The following CCDC14 variants were observed in gnomAD, a reference collection of about 807,000 sequenced individuals.
The protein encoded by CCDC14 is coiled-coil domain containing 14, also known as coiled-coil domain-containing protein 14.
Under a neutral mutation model 81.4 loss-of-function variants are expected in CCDC14, and 71 were observed. The observed-to-expected ratio is 0.87, with a 90% CI of 0.72 to 1.06. The LOEUF (loss-of-function observed/expected upper bound fraction) is 1.06. CCDC14 is among the 50% of genes least tolerant of loss of function. The pLI, the probability that CCDC14 is intolerant of heterozygous loss-of-function variation, is 0.00. For missense variants in CCDC14, 1,046 were observed against 1,047.3 expected (o/e 1.00, Z 0.02); for synonymous variants, 332 against 364.8 (o/e 0.91, Z 1.03).
intron 12 of CCDC14, among the ~76,000 whole-genome samples, chr3:123,917,947 A>G (rs942507288): frequency 6.6e-6 from 1 of 152,144 alleles, no homozygotes; most frequent in Non-Finnish European, 1.5e-5. Context: ...CTTTATCTTC[A>G]AAAAAGTGAA....
In CCDC14 at chr3:123,947,030, C is replaced by T. The variant is rs370975951; in HGVS notation, c.974G>A (p.Arg325Gln). ...KETHLDSQTH[R>Q]SPTQSQPAFL... ...AGCTGGTTGTGACTGAGTAGGGCTT[C>T]GGTGTGTCTGACTGTCCAGATGCGT... is the stretch of plus-strand genomic sequence containing the variant. Residue 325 changes from arginine to glutamine, a missense_variant, in exon 8 of 13, where the codon CGA becomes CAA. Transcript: ENST00000409697. The T allele has an allele frequency of 3.4e-5, 55 of 1,613,780 alleles. No individual in the cohort carries two copies. The highest frequency in any genetic ancestry group is 1.3e-4 in the African/African-American group (10 of 74,890).
chr3:123,942,558 C>T (rs2141605), intron 9 of CCDC14, among the ~76,000 whole-genome samples: 17,733 of 151,980 alleles, frequency 0.12, 2,306 homozygotes, highest in East Asian at 0.42. Flanking sequence ...GCTCCAGATA[C>T]GTATATTTTA....
chr3:123,888,816 C>G, the CCDC14 span, among the ~76,000 whole-genome samples: 62 of 152,240 alleles, frequency 4.1e-4, no homozygotes, highest in South Asian at 6.4e-3. Context: ...TCACTTCTCA[C>G]CAGGCCCCTC....
rs1330128339 is a variant in CCDC14, at chr3:123,947,108, A to C, written c.896T>G (p.Leu299Arg). 1 of 1,613,842 alleles carries C rather than the reference A, an allele frequency of 6.2e-7. No homozygotes were observed. Among genetic ancestry groups the C allele is most frequent in the Non-Finnish European group, 8.5e-7 (1 of 1,179,854 alleles). ...PQQGIHKETDLLKCIQTYLSL... is the reference protein window; with the variant it reads ...PQQGIHKETDRLKCIQTYLSL... ...CAAATATGTTTGAATACATTTTAGTAGGTCTGTTTCCTTATGAATTCCTTG... is the reference window on the plus strand; with the variant it reads ...CAAATATGTTTGAATACATTTTAGTCGGTCTGTTTCCTTATGAATTCCTTG... The change falls in exon 8 of 13, where the codon CTA becomes CGA. Residue 299 changes from leucine to arginine, a missense_variant. By Grantham distance (102) the Leu-to-Arg change is moderately radical. Transcript: ENST00000409697.
At chr3:123,945,156 G>T (rs1364059048) in intron 8 of CCDC14, among the ~76,000 whole-genome samples, 166 bp from the exon 9 acceptor site, 1 of 151,754 alleles carries the variant, frequency 6.6e-6, no homozygotes, top group Non-Finnish European at 1.5e-5. Context: ...TCTCTTTCAT[G>T]CTGCTGGTAT....
chr3:123,955,681 G>T (rs1352384484), intron 5 of CCDC14, 162 bp downstream of exon 5: 4 of 502,454 alleles, frequency 8.0e-6, no homozygotes, highest in African/African-American at 2.0e-5. Flanking sequence ...AAGCAAAGTG[G>T]ACTACTCAGT....
chr3:123,934,467 T>C (rs1236503060), intron 9 of CCDC14, among the ~76,000 whole-genome samples: 1 of 152,122 alleles, frequency 6.6e-6, no homozygotes, highest in Non-Finnish European at 1.5e-5. Context: ...TACTATCAAC[T>C]AGAATACCTA....
chr3:123,919,064 C>T (rs182893364), intron 12 of CCDC14, among the ~76,000 whole-genome samples: 16 of 152,184 alleles, frequency 1.1e-4, no homozygotes, highest in African/African-American at 3.9e-4. Context: ...AGAGGGCGAG[C>T]GGTAACCCCA....
chr3:123,945,080 G>A lies in CCDC14; in HGVS notation c.1202-90C>T, dbSNP rs1284476278. On this transcript the variant is annotated intron_variant, in intron 8 of 12. Coordinates refer to ENST00000409697, the MANE Select transcript of CCDC14 (RefSeq NM_001366335.1). The stretch of plus-strand genomic sequence containing the variant: ...ATTACTAAAAAAGAAAATCTTTATA[G>A]ATATGTACATTCTTGTTATAAATTC... The A allele has an allele frequency of 7.2e-6, 5 of 692,488 alleles. No homozygotes were observed. In the East Asian group the frequency reaches 9.2e-5, roughly 13 times the overall value. 42.9% of individuals were successfully genotyped at this position (692,488 alleles called of 1,614,324 possible).
chr3:123,915,709 C>T lies in CCDC14; in HGVS notation c.1788G>A (p.Gln596=), dbSNP rs373169983. Residue 596 remains glutamine (Q), a synonymous_variant, in exon 13 of 13, where the codon CAG becomes CAA. Transcript: ENST00000409697. ...CGGAGAGAAGCTTTGCCATGCTAGTCTGTAAAGTTCTGTTAAGAAGAATCC... is the reference window on the plus strand; with the variant it reads ...CGGAGAGAAGCTTTGCCATGCTAGTTTGTAAAGTTCTGTTAAGAAGAATCC... ...TRLRELTRTL[Q]TSMAKLLSDL... The T allele has an allele frequency of 6.2e-7, 1 of 1,602,256 alleles. No homozygotes were observed. Among genetic ancestry groups the T allele is most frequent in the African/African-American group, 1.3e-5 (1 of 74,248 alleles).
At chr3:123,953,599 C>T (rs188333862) in intron 5 of CCDC14, 13 of 152,336 alleles carry the variant, frequency 8.5e-5, no homozygotes, top group Admixed American at 2.6e-4. Context: ...AGTCAAATCC[C>T]AGACCTGATA....
intron 5 of CCDC14, 183 bp from the exon 6 acceptor site, chr3:123,949,315 G>T: frequency 3.5e-6 from 2 of 568,780 alleles, no homozygotes; most frequent in African/African-American, 1.9e-5. Context: ...AGTAATTAGT[G>T]TTTAAGTTTC....
chr3:123,949,243 T>G, intron 5 of CCDC14, 111 bp from the exon 6 acceptor site: 1 of 637,830 alleles, frequency 1.6e-6, no homozygotes, highest in Non-Finnish European at 2.7e-6. Flanking sequence ...ATCACATACT[T>G]CATAGAAGGG....
intron 9 of CCDC14, among the ~76,000 whole-genome samples, chr3:123,943,961 G>A (rs151319829): frequency 1.3e-5 from 2 of 152,266 alleles, no homozygotes; most frequent in East Asian, 3.9e-4. Context: ...CCCAAAGAAG[G>A]AGGTCAAGGG....
In CCDC14 at chr3:123,947,055, T is replaced by A. The variant is rs17310144; in HGVS notation, c.949A>T (p.Thr317Ser). 7 of 1,613,724 alleles carry A rather than the reference T, an allele frequency of 4.3e-6. No individual in the cohort carries two copies. The East Asian group carries it at 1.3e-4, about 31-fold the overall frequency. ...CGGTGTGTCTGACTGTCCAGATGCG[T>A]TTCTTTTCCATGAGATCGAAAAAGA... The part of the protein sequence containing the change: ...LSLFRSHGKE[T>S]HLDSQTHRSP... The change falls in exon 8 of 13, where the codon ACG becomes TCG. Residue 317 changes from threonine (T) to serine (S), a missense_variant. Thr to Ser is a moderately conservative substitution (Grantham distance 58). Transcript: ENST00000409697.
At chr3:123,896,772 T>C (rs569570476), downstream of CCDC14, among the ~76,000 whole-genome samples, 1 of 152,334 alleles carries the variant, frequency 6.6e-6, no homozygotes, top group Admixed American at 6.5e-5. Context: ...AAGTATTCAC[T>C]GTACACTGAT....
At chr3:123,937,804 A>C (rs545246042) in intron 9 of CCDC14, among the ~76,000 whole-genome samples, 68 of 151,904 alleles carry the variant, frequency 4.5e-4, no homozygotes, top group Non-Finnish European at 7.5e-4. Context: ...TTATACATTA[A>C]GATCTGTGAT....
chr3:123,958,607 A>C (rs1559811810), intron 1 of CCDC14: 1 of 152,096 alleles, frequency 6.6e-6, no homozygotes, highest in Non-Finnish European at 1.5e-5. Flanking sequence ...CATTAGAGTT[A>C]AGTTTGCAGA....
intron 12 of CCDC14, among the ~76,000 whole-genome samples, chr3:123,920,438 C>T (rs561722000): frequency 5.3e-5 from 8 of 152,220 alleles, no homozygotes; most frequent in South Asian, 4.2e-4. Context: ...GAGAAGTTCA[C>T]CAAGACACAC....
Sources: gnomAD v4.1 joint callset for allele counts (sites outside exome capture counted in the v4.1 genomes callset) on GRCh38, gnomAD v4.1.1 for gene constraint, MANE v1.5 for transcripts, NCBI Gene and HGNC (gene_info 2026-07-23, HGNC 2026-07-21) for gene names.